Variants in RANBP2 observed in about 807,000 individuals in gnomAD.
RANBP2 encodes RAN binding protein 2.
A neutral mutation model predicts 303.6 loss-of-function variants in RANBP2; 57 were observed. That is an observed-to-expected ratio of 0.19 (90% CI 0.15 to 0.23). RANBP2 has a LOEUF of 0.23. Ranked by LOEUF, RANBP2 falls within the 10% of genes least tolerant of loss-of-function variation. The pLI is 1.00. For synonymous variants in RANBP2, 1,167 were observed against 1,301.5 expected (o/e 0.90, Z 2.23); for missense variants, 3,138 against 3,780.8 (o/e 0.83, Z 4.46).
chr2:109,517,328 G>A, the RANBP2 span, among the ~76,000 whole-genome samples: 28 of 152,224 alleles, frequency 1.8e-4, no homozygotes, highest in African/African-American at 6.3e-4. Flanking sequence ...GCGGGGCCTG[G>A]GACTTGGTCC....
the RANBP2 span, among the ~76,000 whole-genome samples, chr2:109,763,493 C>T: frequency 6.7e-6 from 1 of 150,216 alleles, no homozygotes; most frequent in Non-Finnish European, 1.5e-5. Flanking sequence ...TATCTCTCAG[C>T]TTATAAGGAC....
In RANBP2 at chr2:108,772,882, T is replaced by C. The variant is rs1479703552; in HGVS notation, c.8128T>C (p.Cys2710Arg). 2.5e-6 allele frequency: 4 copies of C among 1,613,752 alleles called. No individual in the cohort carries two copies. The highest frequency in any genetic ancestry group is 4.5e-5 in the East Asian group (2 of 44,852). ...EENTADNEKE[C>R]IIVWEKKPTV... is the part of the protein sequence containing the mutation. ...TGATTTTTCAGATAATGAGAAAGAA[T>C]GTATTATTGTTTGGGAAAAGAAACC... is the stretch of plus-strand genomic sequence containing the variant. Residue 2710 changes from cysteine to arginine, a missense_variant, in exon 23 of 29, where the codon TGT becomes CGT. Transcript: ENST00000283195.
the RANBP2 span, among the ~76,000 whole-genome samples, chr2:108,858,747 T>G: frequency 2.6e-5 from 4 of 152,226 alleles, no homozygotes; most frequent in East Asian, 7.7e-4. Flanking sequence ...GCAGGTGTGT[T>G]ACATGGATTT....
chr2:109,516,995 G>C, the RANBP2 span, among the ~76,000 whole-genome samples: 3 of 152,246 alleles, frequency 2.0e-5, no homozygotes, highest in African/African-American at 7.2e-5. Context: ...GTTCGGGTAA[G>C]GGTGATCGCA....
At chr2:108,748,352 C>G (rs989249551) in intron 8 of RANBP2, among the ~76,000 whole-genome samples, 3 of 150,472 alleles carry the variant, frequency 2.0e-5, no homozygotes, top group African/African-American at 7.4e-5. Flanking sequence ...GGACTACAGG[C>G]GCCAGCCACC....
chr2:109,615,520 C>T, the RANBP2 span: 3 of 1,613,918 alleles, frequency 1.9e-6, no homozygotes, highest in African/African-American at 2.7e-5. Context: ...GGTTACACCG[C>T]CCTGCACTTG....
the RANBP2 span, among the ~76,000 whole-genome samples, chr2:108,903,814 T>C: frequency 6.6e-6 from 1 of 152,150 alleles, no homozygotes; most frequent in Non-Finnish European, 1.5e-5. Flanking sequence ...TATGTGGACT[T>C]AGAATGTAAA....
the RANBP2 span, among the ~76,000 whole-genome samples, chr2:109,270,080 G>A: frequency 3.3e-5 from 5 of 152,224 alleles, no homozygotes; most frequent in African/African-American, 9.7e-5. Flanking sequence ...CTTGGCTGCC[G>A]TGGGGCAGGG....
At chr2:109,409,401 A>G in the RANBP2 span, among the ~76,000 whole-genome samples, 3 of 152,250 alleles carry the variant, frequency 2.0e-5, no homozygotes, top group South Asian at 6.2e-4. Flanking sequence ...AGCTGGAGAC[A>G]GCAGTGGATG....
At chr2:109,335,225 G>A in the RANBP2 span, among the ~76,000 whole-genome samples, 1 of 152,244 alleles carries the variant, frequency 6.6e-6, no homozygotes, top group African/African-American at 2.4e-5. Context: ...AGGAGCAGCT[G>A]TGGGGACTGT....
At chr2:109,621,960 G>A in the RANBP2 span, among the ~76,000 whole-genome samples, 1 of 144,506 alleles carries the variant, frequency 6.9e-6, no homozygotes, top group East Asian at 2.0e-4. Flanking sequence ...GAATTATTTG[G>A]TTGTAGTCAG....
At chr2:109,343,272 G>T in the RANBP2 span, among the ~76,000 whole-genome samples, 1 of 152,200 alleles carries the variant, frequency 6.6e-6, no homozygotes, top group Non-Finnish European at 1.5e-5. Flanking sequence ...TGGAGGTGCC[G>T]GGTGTCACCC....
chr2:109,084,497 T>G, the RANBP2 span, among the ~76,000 whole-genome samples: 1 of 152,340 alleles, frequency 6.6e-6, no homozygotes, highest in African/African-American at 2.4e-5. Flanking sequence ...GTCATTCAGA[T>G]TCCTGGAAGT....
At chr2:109,423,553 C>G in the RANBP2 span, among the ~76,000 whole-genome samples, 1 of 152,298 alleles carries the variant, frequency 6.6e-6, no homozygotes, top group East Asian at 1.9e-4. Flanking sequence ...CTGCACTCAG[C>G]CTGCAATGAA....
the RANBP2 span, chr2:109,614,175 C>T: frequency 8.5e-7 from 1 of 1,173,314 alleles, no homozygotes; most frequent in Non-Finnish European, 1.1e-6. Context: ...AACTGCGGAG[C>T]AGTGATTGCG....
At chr2:109,030,506 T>A in the RANBP2 span, among the ~76,000 whole-genome samples, 1 of 152,214 alleles carries the variant, frequency 6.6e-6, no homozygotes, top group Admixed American at 6.5e-5. Flanking sequence ...ACAGTAAATA[T>A]GACCTGAATG....
chr2:109,709,322 T>TAAAATAAAATA, the RANBP2 span, among the ~76,000 whole-genome samples: 1 of 141,458 alleles, frequency 7.1e-6, no homozygotes, highest in African/African-American at 2.7e-5. Flanking sequence ...TAAAATAAAA[T>TAAAATAAAATA]AAAATAAAAT....
At chr2:108,972,040 T>C in the RANBP2 span, among the ~76,000 whole-genome samples, 1 of 152,170 alleles carries the variant, frequency 6.6e-6, no homozygotes, top group African/African-American at 2.4e-5. Context: ...TCCTCCAGCC[T>C]GGCCTGGCCC....
the RANBP2 span, among the ~76,000 whole-genome samples, chr2:109,133,692 T>C: frequency 1.3e-5 from 2 of 151,814 alleles, no homozygotes. Flanking sequence ...GAGTCTTTCA[T>C]ACATGGTCAT....
Sources: gnomAD v4.1 joint callset for allele counts (sites outside exome capture counted in the v4.1 genomes callset) on GRCh38, gnomAD v4.1.1 for gene constraint, MANE v1.5 for transcripts, NCBI Gene and HGNC (gene_info 2026-07-23, HGNC 2026-07-21) for gene names.